The following UBE2D2 variants were observed in gnomAD, a reference collection of about 807,000 sequenced individuals.
The protein encoded by UBE2D2 is ubiquitin conjugating enzyme E2 D2, also known as ubiquitin-conjugating enzyme E2 D2.
A neutral mutation model predicts 24.2 loss-of-function variants in UBE2D2; 2 were observed. The observed-to-expected ratio is 0.08, with a 90% CI of 0.03 to 0.26. The LOEUF is 0.26. Among genes scored for constraint, UBE2D2 ranks in the 10% least tolerant of loss-of-function variants. The pLI is 1.00. For missense variants in UBE2D2, 44 were observed against 177.6 expected, an observed-to-expected ratio of 0.25 and a Z score of 4.28; for synonymous variants, 58 against 56.5, an observed-to-expected ratio of 1.03 and a Z score of -0.12.
At chr5:139,585,935 C>CAA (rs60277561) in intron 1 of UBE2D2, among the ~76,000 whole-genome samples, 576 of 25,490 alleles carry the variant, frequency 0.023, 41 homozygotes, top group South Asian at 0.036. Flanking sequence ...GACTCTGTCT[C>CAA]AAAAAAAAAA....
intron 1 of UBE2D2, among the ~76,000 whole-genome samples, chr5:139,545,520 G>C (rs534854836): frequency 6.6e-6 from 1 of 151,326 alleles, no homozygotes; most frequent in Admixed American, 6.6e-5. Context: ...TCCGCCTCCC[G>C]GGTTCAAGTA....
intron 2 of UBE2D2, among the ~76,000 whole-genome samples, chr5:139,613,980 T>C (rs981237927): frequency 3.2e-4 from 49 of 150,930 alleles, no homozygotes; most frequent in Admixed American, 2.0e-3. Context: ...GAGAATTGCT[T>C]GAACCCGGGA....
At chr5:139,605,935 G>T (rs1374162145) in intron 2 of UBE2D2, among the ~76,000 whole-genome samples, 1 of 151,834 alleles carries the variant, frequency 6.6e-6, no homozygotes, top group Non-Finnish European at 1.5e-5. Context: ...TAGCAATAGG[G>T]TCTCACCATG....
chr5:139,572,590 GTC>G (rs1379529663), intron 1 of UBE2D2, among the ~76,000 whole-genome samples: 1 of 150,008 alleles, frequency 6.7e-6, no homozygotes, highest in Non-Finnish European at 1.5e-5. Flanking sequence ...AGCGAGATCT[GTC>G]TCTTAAAAAA....
At position 139,626,804 on chromosome 5, in the gene UBE2D2, A is replaced by C; in HGVS notation, c.*3A>C. 1 of 1,612,302 alleles carries C rather than the reference A, an allele frequency of 6.2e-7. No individual in the cohort carries two copies. The highest frequency in any genetic ancestry group is 8.5e-7 in the Non-Finnish European group (1 of 1,178,856). ...GGACTCAGAAGTATGCGATGTAATT[A>C]AAGAAATTATTGGATAACCTCTACA... On this transcript the variant is annotated 3_prime_UTR_variant, in exon 7 of 7. Transcript: ENST00000398733.
At chr5:139,562,544 G>A (rs774178937) in intron 1 of UBE2D2, 206 of 942,660 alleles carry the variant, frequency 2.2e-4, no homozygotes, top group Non-Finnish European at 2.8e-4. Context: ...AAAGGTAGAG[G>A]TAGAAACCTG....
chr5:139,545,155 T>C (rs1182159109), intron 1 of UBE2D2, among the ~76,000 whole-genome samples: 2 of 152,182 alleles, frequency 1.3e-5, no homozygotes, highest in African/African-American at 4.8e-5. Context: ...ACTCACGCTT[T>C]TTATGGTGGA....
intron 1 of UBE2D2, among the ~76,000 whole-genome samples, chr5:139,574,079 TTC>T (rs1383627630): frequency 2.5e-4 from 38 of 151,592 alleles, no homozygotes; most frequent in African/African-American, 8.9e-4. Context: ...ATTAAATAAC[TTC>T]TCTCTTTTTT....
chr5:139,548,200 A>AAAT (rs1752864422), intron 1 of UBE2D2, among the ~76,000 whole-genome samples: 1 of 55,430 alleles, frequency 1.8e-5, no homozygotes, highest in East Asian at 2.8e-4. Context: ...AAAAAAATAA[A>AAAT]TAAATAAATA....
At chr5:139,606,394 C>G (rs936205219) in intron 2 of UBE2D2, among the ~76,000 whole-genome samples, 3 of 152,090 alleles carry the variant, frequency 2.0e-5, no homozygotes, top group Non-Finnish European at 4.4e-5. Context: ...AACTCCTGAC[C>G]TCAGGTGATC....
At chr5:139,549,188 C>T (rs1197115056) in intron 1 of UBE2D2, among the ~76,000 whole-genome samples, 1 of 152,184 alleles carries the variant, frequency 6.6e-6, no homozygotes, top group African/African-American at 2.4e-5. Context: ...TGACAACGTG[C>T]TAGCAGCCCT....
chr5:139,548,798 A>G (rs1752869429), intron 1 of UBE2D2, among the ~76,000 whole-genome samples: 1 of 152,146 alleles, frequency 6.6e-6, no homozygotes, highest in East Asian at 1.9e-4. Flanking sequence ...GTATGGCCTA[A>G]TAAATAGCAG....
At chr5:139,561,127 A>G (rs868330233), upstream of UBE2D2, 2 of 152,556 alleles carry the variant, frequency 1.3e-5, no homozygotes, top group Non-Finnish European at 2.9e-5. Flanking sequence ...TGGAGCCTGC[A>G]GAACTCGCGC....
intron 1 of UBE2D2, among the ~76,000 whole-genome samples, chr5:139,549,021 T>C (rs1752871291): frequency 1.3e-5 from 2 of 152,062 alleles, no homozygotes; most frequent in African/African-American, 2.4e-5. Context: ...GCTAATTTTT[T>C]GTATTTTTAG....
At chr5:139,584,154 A>AT (rs367996431) in intron 1 of UBE2D2, among the ~76,000 whole-genome samples, 6 of 152,080 alleles carry the variant, frequency 3.9e-5, no homozygotes, top group East Asian at 3.9e-4. Flanking sequence ...GAGGTGTGCC[A>AT]TTTTTTTACC....
chr5:139,604,004 T>C (rs1419418640), intron 2 of UBE2D2, among the ~76,000 whole-genome samples: 1 of 152,106 alleles, frequency 6.6e-6, no homozygotes, highest in East Asian at 1.9e-4. Flanking sequence ...AAATAGATAT[T>C]ATTAGACTTC....
intron 6 of UBE2D2, among the ~76,000 whole-genome samples, chr5:139,625,054 AC>A (rs1754585948): frequency 7.2e-6 from 1 of 139,744 alleles, no homozygotes; most frequent in African/African-American, 2.6e-5. Flanking sequence ...CCACCCTCTA[AC>A]CCCCCACTTT....
At chr5:139,536,934 C>T (rs1376158381) in intron 1 of UBE2D2, among the ~76,000 whole-genome samples, 2 of 152,178 alleles carry the variant, frequency 1.3e-5, no homozygotes, top group Admixed American at 1.3e-4. Context: ...AATCCCAGCA[C>T]TTTGGGAGGC....
intron 1 of UBE2D2, among the ~76,000 whole-genome samples, chr5:139,568,218 C>T (rs1215699840): frequency 6.6e-6 from 1 of 152,008 alleles, no homozygotes; most frequent in African/African-American, 2.4e-5. Flanking sequence ...GTGGCACTCA[C>T]CTGTAATCCC....
Sources: allele counts gnomAD v4.1 joint callset (sites outside exome capture counted in the v4.1 genomes callset), GRCh38; gene constraint gnomAD v4.1.1; transcripts MANE v1.5; gene names NCBI Gene and HGNC (gene_info 2026-07-23, HGNC 2026-07-21).